Variants in PPFIBP2 observed in about 807,000 individuals in gnomAD.
The protein encoded by PPFIBP2 is liprin-beta-2.
Under a neutral mutation model 118.3 loss-of-function variants are expected in PPFIBP2, and 118 were observed. The ratio of observed to expected loss-of-function variants is 1.00; its 90% CI spans 0.86 to 1.16. PPFIBP2 has a LOEUF of 1.16. Among genes scored for constraint, PPFIBP2 ranks in the 50% most tolerant of loss-of-function variants. The pLI, the probability that PPFIBP2 is intolerant of heterozygous loss-of-function variation, is 0.00. For missense variants in PPFIBP2, 1,195 were observed against 1,073.1 expected (o/e 1.11, Z -1.59); for synonymous variants, 414 against 397.4 (o/e 1.04, Z -0.50).
chr11:7,649,480 T>C, intron 20 of PPFIBP2, 52 bp from the exon 21 acceptor site: 1 of 1,609,434 alleles, frequency 6.2e-7, no homozygotes, highest in East Asian at 2.2e-5. Flanking sequence ...ACATCAGGGG[T>C]CTTTTGTCAC....
Position 7,629,353 on chromosome 11 carries a change from G to A in PPFIBP2, c.889-106G>A, listed in dbSNP as rs112491468. 2,078 of 1,094,166 alleles carry A rather than the reference G, an allele frequency of 1.9e-3. 20 individuals carry two copies. The African/African-American group carries it at 0.024, about 13-fold the overall frequency. The allele number at this position is 1,094,166 out of a possible 1,614,324, so 67.8% of individuals were successfully genotyped here. The stretch of plus-strand genomic sequence containing the variant: ...GGACACTCTTTTCCTTTGGTTCCAC[G>A]TGGGATTTCTTCTCCTTGTGCCAAG... On this transcript the variant is annotated intron_variant, in intron 9 of 23. Coordinates refer to ENST00000299492, the MANE Select transcript of PPFIBP2 (RefSeq NM_003621.5).
downstream of PPFIBP2, among the ~76,000 whole-genome samples, chr11:7,656,168 C>T (rs181046510): frequency 3.4e-3 from 518 of 152,294 alleles, 5 homozygotes; most frequent in African/African-American, 0.012. Context: ...CTAGAGCTGG[C>T]AGGAAAAGGC....
chr11:7,667,154 G>A, the PPFIBP2 span: 1 of 152,122 alleles, frequency 6.6e-6, no homozygotes, highest in African/African-American at 2.4e-5. Flanking sequence ...TTCTGTTTTA[G>A]AAAATAATCT....
chr11:7,566,272 C>T (rs570404950), intron 3 of PPFIBP2, among the ~76,000 whole-genome samples: 3 of 152,274 alleles, frequency 2.0e-5, no homozygotes, highest in South Asian at 2.1e-4. Context: ...TTAGTTTATT[C>T]GTATTCCTCT....
At chr11:7,584,230 G>A (rs1311439590) in intron 3 of PPFIBP2, among the ~76,000 whole-genome samples, 1 of 152,204 alleles carries the variant, frequency 6.6e-6, no homozygotes, top group Non-Finnish European at 1.5e-5. Flanking sequence ...ATACATTCAT[G>A]ACGTGTGATG....
intron 1 of PPFIBP2, among the ~76,000 whole-genome samples, chr11:7,534,531 T>C (rs984699472): frequency 6.6e-6 from 1 of 152,156 alleles, no homozygotes; most frequent in Admixed American, 6.5e-5. Context: ...TTCTTTGCTG[T>C]AAGAAGGAAA....
At chr11:7,596,132 A>G (rs904713697) in intron 4 of PPFIBP2, among the ~76,000 whole-genome samples, 5 of 152,232 alleles carry the variant, frequency 3.3e-5, no homozygotes, top group South Asian at 4.1e-4. Context: ...TTCCTTGAGT[A>G]TCACCAACAC....
chr11:7,642,681 G>C (rs1354440628), intron 17 of PPFIBP2, among the ~76,000 whole-genome samples: 1 of 152,090 alleles, frequency 6.6e-6, no homozygotes, highest in African/African-American at 2.4e-5. Flanking sequence ...TAACCAAAAG[G>C]CAAAAAGTAA....
chr11:7,570,121 G>T (rs565742483), intron 3 of PPFIBP2, among the ~76,000 whole-genome samples: 3 of 148,934 alleles, frequency 2.0e-5, no homozygotes, highest in African/African-American at 7.5e-5. Flanking sequence ...TCTGAAAGGG[G>T]TGTCTCTACC....
chr11:7,552,300 G>A (rs550302327), intron 2 of PPFIBP2, among the ~76,000 whole-genome samples: 2 of 152,346 alleles, frequency 1.3e-5, no homozygotes, highest in East Asian at 1.9e-4. Context: ...CTGGCACATA[G>A]TAAGCACTAT....
chr11:7,566,576 CA>C (rs1187690058), intron 3 of PPFIBP2, among the ~76,000 whole-genome samples: 1 of 152,050 alleles, frequency 6.6e-6, no homozygotes, highest in Non-Finnish European at 1.5e-5. Flanking sequence ...CTATGTTGTC[CA>C]GGTTGGTCTT....
chr11:7,665,556 A>G, the PPFIBP2 span: 1 of 1,591,174 alleles, frequency 6.3e-7, no homozygotes, highest in African/African-American at 1.3e-5. Flanking sequence ...CCTGAAATGA[A>G]GGAGATGCAG....
chr11:7,540,512 A>G (rs1356506943), intron 1 of PPFIBP2, among the ~76,000 whole-genome samples: 1 of 152,140 alleles, frequency 6.6e-6, no homozygotes, highest in Non-Finnish European at 1.5e-5. Context: ...TTGTGAGAAT[A>G]TAGAGAGGGA....
intron 1 of PPFIBP2, among the ~76,000 whole-genome samples, chr11:7,528,580 C>A (rs1319772744): frequency 6.6e-6 from 1 of 152,202 alleles, no homozygotes; most frequent in Non-Finnish European, 1.5e-5. Context: ...AAGAGTGGTA[C>A]TCCAAGAGGT....
downstream of PPFIBP2, among the ~76,000 whole-genome samples, chr11:7,655,970 C>A (rs764840264): frequency 6.6e-6 from 1 of 152,140 alleles, no homozygotes; most frequent in African/African-American, 2.4e-5. Context: ...CATCCTGGCA[C>A]GCCCGAAAGG....
At chr11:7,571,980 A>C (rs1855704130) in intron 3 of PPFIBP2, 1 of 152,208 alleles carries the variant, frequency 6.6e-6, no homozygotes, top group Non-Finnish European at 1.5e-5. Context: ...CTCATTATTG[A>C]AACTGCTTAA....
At chr11:7,582,299 T>C (rs902873719) in intron 3 of PPFIBP2, among the ~76,000 whole-genome samples, 3 of 152,160 alleles carry the variant, frequency 2.0e-5, no homozygotes, top group African/African-American at 7.2e-5. Flanking sequence ...AAGGCAACAG[T>C]GGATATGGTC....
chr11:7,543,685 TGG>T (rs1009153105), intron 1 of PPFIBP2, among the ~76,000 whole-genome samples: 3 of 152,242 alleles, frequency 2.0e-5, no homozygotes, highest in African/African-American at 7.2e-5. Context: ...TCAGCGTGGG[TGG>T]AGTAAACAAA....
At chr11:7,657,107 G>T (rs552392562), downstream of PPFIBP2, 426 of 248,096 alleles carry the variant, frequency 1.7e-3, 2 homozygotes, top group Middle Eastern at 3.0e-3. Context: ...TCGATGGCTC[G>T]TGATATTCCT....
Sources: gnomAD v4.1 joint callset for allele counts (sites outside exome capture counted in the v4.1 genomes callset) on GRCh38, gnomAD v4.1.1 for gene constraint, MANE v1.5 for transcripts, NCBI Gene and HGNC (gene_info 2026-07-23, HGNC 2026-07-21) for gene names.